CCDC178: variants seen among roughly 807,000 people sequenced by gnomAD.
CCDC178 encodes the protein coiled-coil domain containing 178.
Under a neutral mutation model 117.4 loss-of-function variants are expected in CCDC178, and 126 were observed. The ratio of observed to expected loss-of-function variants is 1.07; its 90% CI spans 0.93 to 1.24. The LOEUF (loss-of-function observed/expected upper bound fraction) is 1.24. Ranked by LOEUF, CCDC178 falls within the 50% of genes most tolerant of loss-of-function variation. The pLI is 0.00. For synonymous variants in CCDC178, 283 were observed against 313.4 expected (o/e 0.90, Z 1.02); for missense variants, 1,030 against 986.9 (o/e 1.04, Z -0.59).
At chr18:33,329,250 CT>C (rs1421542549) in intron 10 of CCDC178, among the ~76,000 whole-genome samples, 3 of 152,054 alleles carry the variant, frequency 2.0e-5, no homozygotes, top group African/African-American at 7.2e-5. Context: ...GAAAATTTGA[CT>C]TTTTAATTTC....
intron 20 of CCDC178, among the ~76,000 whole-genome samples, chr18:33,147,353 T>C (rs1419085921): frequency 1.4e-5 from 2 of 145,010 alleles, no homozygotes; most frequent in African/African-American, 5.3e-5. Context: ...GCTTGCCTTT[T>C]TAATTTTTTT....
intron 21 of CCDC178, among the ~76,000 whole-genome samples, chr18:33,011,745 TG>T (rs1250879145): frequency 4.6e-5 from 5 of 107,742 alleles, no homozygotes; most frequent in Non-Finnish European, 8.7e-5. Flanking sequence ...TAACTTAACG[TG>T]GCAAATGATT....
At chr18:32,991,003 T>G (rs1188859349) in intron 21 of CCDC178, among the ~76,000 whole-genome samples, 1 of 151,174 alleles carries the variant, frequency 6.6e-6, no homozygotes, top group Non-Finnish European at 1.5e-5. Flanking sequence ...CTGCTTTAAA[T>G]AAAAATTATT....
intron 12 of CCDC178, among the ~76,000 whole-genome samples, chr18:33,287,838 G>T (rs2060118451): frequency 6.6e-6 from 1 of 151,986 alleles, no homozygotes; most frequent in African/African-American, 2.4e-5. Flanking sequence ...ATCAAATTGA[G>T]GAGGGCCAGC....
intron 14 of CCDC178, among the ~76,000 whole-genome samples, chr18:33,253,717 G>A (rs1168342171): frequency 6.6e-6 from 1 of 151,744 alleles, no homozygotes; most frequent in African/African-American, 2.4e-5. Context: ...TCAGAAATAA[G>A]AATCAAGACT....
At chr18:32,979,395 G>GT (rs2055098579) in intron 21 of CCDC178, among the ~76,000 whole-genome samples, 1 of 152,102 alleles carries the variant, frequency 6.6e-6, no homozygotes, top group Non-Finnish European at 1.5e-5. Flanking sequence ...CTAACCTCAG[G>GT]TGATCTGCCC....
intron 9 of CCDC178, among the ~76,000 whole-genome samples, chr18:33,337,825 A>G (rs1175430592): frequency 6.6e-6 from 1 of 152,188 alleles, no homozygotes; most frequent in African/African-American, 2.4e-5. Context: ...AACACTAGAA[A>G]AACTCTTGTA....
chr18:33,079,216 C>T (rs2057259964), intron 21 of CCDC178, among the ~76,000 whole-genome samples: 1 of 152,090 alleles, frequency 6.6e-6, no homozygotes, highest in Non-Finnish European at 1.5e-5. Context: ...AGATAACTGG[C>T]TAGAAATATG....
intron 11 of CCDC178, among the ~76,000 whole-genome samples, chr18:33,305,538 G>C (rs1340786955): frequency 6.6e-6 from 1 of 151,846 alleles, no homozygotes; most frequent in Non-Finnish European, 1.5e-5. Context: ...AAAGGTGAGA[G>C]AGGAACCTAA....
At chr18:33,289,536 C>T (rs947537872) in intron 12 of CCDC178, among the ~76,000 whole-genome samples, 2 of 152,002 alleles carry the variant, frequency 1.3e-5, no homozygotes, top group Non-Finnish European at 2.9e-5. Context: ...ATCACTTGAA[C>T]CCATGAGGCA....
intron 2 of CCDC178, among the ~76,000 whole-genome samples, chr18:33,413,400 T>C (rs2063886657): frequency 6.6e-6 from 1 of 152,106 alleles, no homozygotes; most frequent in Non-Finnish European, 1.5e-5. Flanking sequence ...GACATTAACA[T>C]TTTTTAATTC....
At chr18:33,092,409 G>T (rs955441665) in intron 21 of CCDC178, among the ~76,000 whole-genome samples, 1 of 151,886 alleles carries the variant, frequency 6.6e-6, no homozygotes, top group African/African-American at 2.4e-5. Context: ...TATACTAAAA[G>T]GACAATTTAG....
At chr18:32,940,001 T>A (rs2054201922) in intron 22 of CCDC178, among the ~76,000 whole-genome samples, 1 of 152,188 alleles carries the variant, frequency 6.6e-6, no homozygotes, top group African/African-American at 2.4e-5. Flanking sequence ...AATGCCAGTT[T>A]ACATTCTCTT....
intron 20 of CCDC178, among the ~76,000 whole-genome samples, chr18:33,093,541 T>C (rs1458888507): frequency 6.6e-6 from 1 of 152,084 alleles, no homozygotes; most frequent in African/African-American, 2.4e-5. Flanking sequence ...TATAATGTCC[T>C]CCTCCATGAC....
At chr18:33,427,746 G>C (rs904127147) in intron 2 of CCDC178, among the ~76,000 whole-genome samples, 2 of 152,084 alleles carry the variant, frequency 1.3e-5, no homozygotes, top group African/African-American at 4.8e-5. Context: ...ATCTCATACT[G>C]TATTCAGAAT....
At chr18:33,266,478 A>G (rs1206085501) in intron 14 of CCDC178, among the ~76,000 whole-genome samples, 1 of 151,894 alleles carries the variant, frequency 6.6e-6, no homozygotes, top group East Asian at 1.9e-4. Context: ...AGGATAGTCA[A>G]AAAGAGGTAA....
At chr18:33,423,981 G>T (rs1352396592) in intron 2 of CCDC178, among the ~76,000 whole-genome samples, 2 of 152,068 alleles carry the variant, frequency 1.3e-5, no homozygotes, top group Non-Finnish European at 2.9e-5. Context: ...TAATAGCTTT[G>T]ATATAGCTAT....
intron 20 of CCDC178, among the ~76,000 whole-genome samples, chr18:33,191,530 T>C (rs2058857753): frequency 6.6e-6 from 1 of 152,164 alleles, no homozygotes; most frequent in African/African-American, 2.4e-5. Context: ...GAGCGTTCTA[T>C]TAACGTAATG....
intron 15 of CCDC178, among the ~76,000 whole-genome samples, chr18:33,233,528 C>A (rs1235535804): frequency 6.6e-6 from 1 of 151,714 alleles, no homozygotes; most frequent in Non-Finnish European, 1.5e-5. Context: ...GCATTTATCA[C>A]AATTACTGGG....
Sources: allele counts gnomAD v4.1 joint callset (sites outside exome capture counted in the v4.1 genomes callset), GRCh38; gene constraint gnomAD v4.1.1; transcripts MANE v1.5; gene names NCBI Gene and HGNC (gene_info 2026-07-23, HGNC 2026-07-21).